The following KCNIP4 variants were observed in gnomAD, a reference collection of about 807,000 sequenced individuals.
KCNIP4 encodes potassium voltage-gated channel interacting protein 4.
Under a neutral mutation model 34.0 loss-of-function variants are expected in KCNIP4, and 12 were observed. That is an observed-to-expected ratio of 0.35 (90% confidence interval 0.23 to 0.57). The LOEUF (loss-of-function observed/expected upper bound fraction) is 0.57. Among genes scored for constraint, KCNIP4 ranks in the 20% least tolerant of loss-of-function variants. KCNIP4 has a pLI of 0.83. For missense variants in KCNIP4, 238 were observed against 311.7 expected (o/e 0.76, Z 1.78); for synonymous variants, 124 against 102.2 (o/e 1.21, Z -1.29).
intron 1 of KCNIP4, among the ~76,000 whole-genome samples, chr4:21,869,292 G>A (rs1052051923): frequency 1.3e-5 from 2 of 152,142 alleles, no homozygotes; most frequent in Non-Finnish European, 1.5e-5. Flanking sequence ...CATGTGTGGA[G>A]TATGGAGAAC....
At chr4:20,801,406 T>A (rs1284797737) in intron 3 of KCNIP4, among the ~76,000 whole-genome samples, 1 of 152,182 alleles carries the variant, frequency 6.6e-6, no homozygotes, top group East Asian at 1.9e-4. Flanking sequence ...TCCAGTACTA[T>A]AATGGTGGTA....
At chr4:20,748,205 C>T (rs567198182) in intron 5 of KCNIP4, among the ~76,000 whole-genome samples, 20 of 152,228 alleles carry the variant, frequency 1.3e-4, no homozygotes, top group African/African-American at 4.1e-4. Flanking sequence ...GCCTCTATCT[C>T]CTTCCCCAAC....
At chr4:21,346,894 A>G (rs1369532665) in intron 1 of KCNIP4, among the ~76,000 whole-genome samples, 3 of 152,166 alleles carry the variant, frequency 2.0e-5, no homozygotes, top group Non-Finnish European at 2.9e-5. Context: ...GGTTTTTGCT[A>G]CGATCAAACC....
chr4:21,619,308 A>G (rs953687047), intron 1 of KCNIP4, among the ~76,000 whole-genome samples: 11 of 152,260 alleles, frequency 7.2e-5, no homozygotes, highest in African/African-American at 2.7e-4. Context: ...ATGATTATCA[A>G]CTGAAATATT....
intron 1 of KCNIP4, among the ~76,000 whole-genome samples, chr4:21,288,655 A>G (rs1313838406): frequency 6.6e-6 from 1 of 152,142 alleles, no homozygotes; most frequent in African/African-American, 2.4e-5. Context: ...CAACATTACA[A>G]ATTGGGTAAG....
intron 1 of KCNIP4, among the ~76,000 whole-genome samples, chr4:21,436,088 T>C (rs1726921913): frequency 6.6e-6 from 1 of 152,178 alleles, no homozygotes; most frequent in Admixed American, 6.5e-5. Flanking sequence ...ATTTCTCTAC[T>C]TAAAGTGTTC....
chr4:21,455,141 T>C (rs1209645760), intron 1 of KCNIP4, among the ~76,000 whole-genome samples: 1 of 152,004 alleles, frequency 6.6e-6, no homozygotes, highest in Non-Finnish European at 1.5e-5. Context: ...TCCAGATTCC[T>C]GACAAAGAGA....
intron 1 of KCNIP4, among the ~76,000 whole-genome samples, chr4:21,466,745 A>G (rs549716468): frequency 9.2e-5 from 14 of 152,264 alleles, no homozygotes; most frequent in African/African-American, 3.4e-4. Context: ...TGGGGCTGTC[A>G]TGTAATATAT....
chr4:21,349,576 A>G (rs1185998446), intron 1 of KCNIP4, among the ~76,000 whole-genome samples: 1 of 152,182 alleles, frequency 6.6e-6, no homozygotes, highest in Non-Finnish European at 1.5e-5. Context: ...GAAGGCATTT[A>G]ATTACTAAGT....
intron 1 of KCNIP4, among the ~76,000 whole-genome samples, chr4:21,345,360 G>A (rs1717186149): frequency 6.6e-6 from 1 of 152,096 alleles, no homozygotes; most frequent in Admixed American, 6.6e-5. Flanking sequence ...CAACTTCATG[G>A]GAGATCCTGA....
intron 1 of KCNIP4, among the ~76,000 whole-genome samples, chr4:21,305,647 C>T (rs1712378414): frequency 6.6e-6 from 1 of 152,194 alleles, no homozygotes; most frequent in Admixed American, 6.5e-5. Flanking sequence ...TCTCCGTGAT[C>T]CGGTACCTCC....
At chr4:20,951,219 C>T (rs566959850) in intron 1 of KCNIP4, among the ~76,000 whole-genome samples, 2 of 152,152 alleles carry the variant, frequency 1.3e-5, no homozygotes, top group South Asian at 4.1e-4. Context: ...GGAAGAGAGC[C>T]CTCACCACAA....
intron 1 of KCNIP4, among the ~76,000 whole-genome samples, chr4:21,637,788 A>C (rs1299624169): frequency 4.2e-5 from 3 of 71,536 alleles, no homozygotes; most frequent in Admixed American, 3.6e-4. Flanking sequence ...CGTCTCAAAA[A>C]AAAAAAAAAA....
At chr4:21,714,798 T>G (rs976940740) in intron 1 of KCNIP4, among the ~76,000 whole-genome samples, 1 of 484 alleles carries the variant, frequency 2.1e-3, no homozygotes, top group Non-Finnish European at 4.8e-3. Flanking sequence ...TATTTTATTT[T>G]ATTTTATTTT....
chr4:21,628,272 G>A (rs906737177), intron 1 of KCNIP4, among the ~76,000 whole-genome samples: 1 of 152,092 alleles, frequency 6.6e-6, no homozygotes, highest in Non-Finnish European at 1.5e-5. Context: ...TGAGCTGAGA[G>A]TAGGTATGTT....
intron 1 of KCNIP4, among the ~76,000 whole-genome samples, chr4:21,139,101 G>T (rs982301314): frequency 6.6e-6 from 1 of 152,130 alleles, no homozygotes; most frequent in South Asian, 2.1e-4. Context: ...ACTTGGGTTT[G>T]CATGTTGCTT....
At chr4:21,263,267 GA>G (rs1761588705) in intron 1 of KCNIP4, among the ~76,000 whole-genome samples, 1 of 152,194 alleles carries the variant, frequency 6.6e-6, no homozygotes, top group Non-Finnish European at 1.5e-5. Context: ...ACAGCTTTGT[GA>G]GGAAGATACA....
chr4:21,102,137 GT>G (rs1205345540), intron 1 of KCNIP4, among the ~76,000 whole-genome samples: 1 of 152,142 alleles, frequency 6.6e-6, no homozygotes, highest in African/African-American at 2.4e-5. Context: ...TACGATGTAG[GT>G]TTTTTAGTGA....
intron 1 of KCNIP4, among the ~76,000 whole-genome samples, chr4:21,790,041 G>A (rs1345705162): frequency 6.6e-6 from 1 of 152,174 alleles, no homozygotes; most frequent in Non-Finnish European, 1.5e-5. Context: ...GCCATGAAAA[G>A]CTGCCTCAGC....
Sources: allele counts gnomAD v4.1 joint callset (sites outside exome capture counted in the v4.1 genomes callset), GRCh38; gene constraint gnomAD v4.1.1; transcripts MANE v1.5; gene names NCBI Gene and HGNC (gene_info 2026-07-23, HGNC 2026-07-21).